C8orf82: variants seen among roughly 807,000 people sequenced by gnomAD.
C8orf82 encodes chromosome 8 open reading frame 82, also known as UPF0598 protein C8orf82.
A neutral mutation model predicts 15.0 loss-of-function variants in C8orf82; 24 were observed. The ratio of observed to expected loss-of-function variants is 1.60; its 90% CI spans 1.16 to 2.24. The LOEUF (loss-of-function observed/expected upper bound fraction) is 2.24, where lower values mean the gene tolerates loss of function less well. C8orf82 is among the 30% of genes most tolerant of loss of function. The probability of loss-of-function intolerance (pLI) is 0.00; values close to 1 mark genes in which losing one functional copy is unlikely to be tolerated. For missense variants in C8orf82, 388 were observed against 317.4 expected (o/e 1.22, Z -1.69); for synonymous variants, 205 against 152.2 (o/e 1.35, Z -2.55).
At position 144,526,417 on chromosome 8, in the gene C8orf82, GAGA is replaced by G. The variant is rs1042778400; in HGVS notation, c.*922_*924del. 2 of 152,298 alleles carry G rather than the reference GAGA, an allele frequency of 1.3e-5. No individual in the cohort carries two copies. Among genetic ancestry groups the G allele is most frequent in the African/African-American group, 4.8e-5 (2 of 41,442 alleles). 9.4% of individuals were successfully genotyped at this position (152,298 alleles called of 1,614,324 possible). A position where few individuals can be genotyped will look rare whatever the true frequency, so the allele number is the denominator to read the frequency against. ...CTCCCCCAGGAAGGCTTCTCAAGTGGAGAAGGTTCTTGGCCTCAGAACTCACGG... is the reference window on the plus strand; with the variant it reads ...CTCCCCCAGGAAGGCTTCTCAAGTGGAGGTTCTTGGCCTCAGAACTCACGG... On this transcript the variant is annotated 3_prime_UTR_variant, in exon 3 of 3. Transcript: ENST00000524821.
Position 144,526,008 on chromosome 8 carries a change from A to AAGCC in C8orf82, c.*1330_*1333dup, listed in dbSNP as rs1226602905. Reference sequence around the variant, plus strand: ...AGTTTTAAAAGTAGGGATCTGGGCTAAGCCAGCCAGCCCACCCGAAGCCAG... The same window carrying AAGCC: ...AGTTTTAAAAGTAGGGATCTGGGCTAAGCCAGCCAGCCAGCCCACCCGAAGCCAG... On this transcript the variant is annotated 3_prime_UTR_variant, in exon 3 of 3. Coordinates refer to ENST00000524821, the MANE Select transcript of C8orf82 (RefSeq NM_001001795.2). 1.3e-5 allele frequency: 2 copies of AAGCC among 152,190 alleles called. No homozygotes were observed. The highest frequency in any genetic ancestry group is 4.8e-5 in the African/African-American group (2 of 41,446). The allele number at this position is 152,190 out of a possible 1,614,324, so 9.4% of individuals were successfully genotyped here. A position where few individuals can be genotyped will look rare whatever the true frequency, so the allele number is the denominator to read the frequency against.
Position 144,527,119 on chromosome 8 carries a change from G to A in C8orf82, c.*223C>T, listed in dbSNP as rs571757742. The A allele has an allele frequency of 4.9e-6, 1 of 203,570 alleles. No homozygotes were observed. The highest frequency in any genetic ancestry group is 9.5e-6 in the Non-Finnish European group (1 of 105,158). The allele number at this position is 203,570 out of a possible 1,614,324, so 12.6% of individuals were successfully genotyped here. ...TCTCGAGCGCAGGCCAATCCGGAGG[G>A]CGCCGGAGTCGGGTGCGCGGGGGGC... On this transcript the variant is annotated 3_prime_UTR_variant, in exon 3 of 3. Coordinates refer to ENST00000524821, the MANE Select transcript of C8orf82 (RefSeq NM_001001795.2).
rs766185755 is a variant in C8orf82, at chr8:144,528,839, C to A, written c.78G>T (p.Gly26=). 1 of 1,520,524 alleles carries A rather than the reference C, an allele frequency of 6.6e-7. No individual in the cohort carries two copies. Among genetic ancestry groups the A allele is most frequent in the East Asian group, 2.8e-5 (1 of 36,090 alleles). The allele number at this position is 1,520,524 out of a possible 1,614,324, so 94.2% of individuals were successfully genotyped here. Residue 26 remains glycine (G), a synonymous_variant, in exon 1 of 3, where the codon GGG becomes GGT. Coordinates refer to ENST00000524821, the MANE Select transcript of C8orf82 (RefSeq NM_001001795.2). ...TCTGGCCCTGCGTGTAGGAAACGCCCCCATCCCCGCTGCAGGCCCGGGCTC... is the reference window on the plus strand; with the variant it reads ...TCTGGCCCTGCGTGTAGGAAACGCCACCATCCCCGCTGCAGGCCCGGGCTC... The part of the protein sequence containing the change: ...SRGARACSGD[G]GVSYTQGQSP...
At position 144,527,447 on chromosome 8, in the gene C8orf82, G is replaced by C. The variant is rs1297961800; in HGVS notation, c.546C>G (p.Tyr182Ter). ...AGGGCAGCGCAGGCGCGCCGGGCCC[G>C]TACTCGAAGCAGGCGCTGAGCTCGA... ...LAFELSACFE[Y>*]GPGAPALPSH... is the part of the protein sequence containing the mutation. Residue 182 changes from tyrosine to a stop codon, truncating the protein, a stop_gained, in exon 3 of 3, where the codon TAC (tyrosine) becomes TAG (stop). Transcript: ENST00000524821. LOFTEE classifies it high-confidence loss of function. 1 of 1,241,208 alleles carries C rather than the reference G, an allele frequency of 8.1e-7. No individual in the cohort carries two copies. Among genetic ancestry groups the C allele is most frequent in the Non-Finnish European group, 1.0e-6 (1 of 990,360 alleles). 76.9% of individuals were successfully genotyped at this position (1,241,208 alleles called of 1,614,324 possible). A position where few individuals can be genotyped will look rare whatever the true frequency, so the allele number is the denominator to read the frequency against.
intron 2 of C8orf82, 81 bp downstream of exon 2, chr8:144,527,943 C>T: frequency 6.5e-7 from 1 of 1,537,620 alleles, no homozygotes; most frequent in Middle Eastern, 1.7e-4. Context: ...GTGCGCTGGG[C>T]CCGTCGGCAG....
At chr8:144,527,906 T>A (rs767623498) in intron 2 of C8orf82, 118 bp downstream of exon 2, 2 of 1,500,470 alleles carry the variant, frequency 1.3e-6, no homozygotes, top group Non-Finnish European at 1.8e-6. Context: ...TCAGCGGGGC[T>A]CCTGAGCGCA....
chr8:144,527,877 G>T (rs750886664), intron 2 of C8orf82, 90 bp from the exon 3 acceptor site: 13 of 1,532,034 alleles, frequency 8.5e-6, no homozygotes, highest in Non-Finnish European at 1.2e-5. Context: ...CCGACGGTAA[G>T]AGGTTCGCCT....
chr8:144,527,883 C>T (rs780664839), intron 2 of C8orf82, 96 bp from the exon 3 acceptor site: 20 of 1,519,652 alleles, frequency 1.3e-5, no homozygotes, highest in Non-Finnish European at 1.6e-5. Context: ...GTAAGAGGTT[C>T]GCCTGGCCTC....
Position 144,528,803 on chromosome 8 carries a change from C to G in C8orf82, c.114G>C (p.Pro38=), listed in dbSNP as rs115228909. 43,067 of 1,469,276 alleles carry G rather than the reference C, an allele frequency of 0.029. 9,080 individuals are homozygous for G. In the African/African-American group the frequency reaches 0.51, roughly 17 times the overall value. 91.0% of individuals were successfully genotyped at this position (1,469,276 alleles called of 1,614,324 possible). Residue 38 remains proline (P), a synonymous_variant, in exon 1 of 3, where the codon CCG becomes CCC. Transcript: ENST00000524821. ...CGTAGTAGAAATACTCGCGGGTCCG[C>G]GGCTCCGGACTCTGGCCCTGCGTGT... ...VSYTQGQSPE[P]RTREYFYYVD...
At position 144,527,585 on chromosome 8, in the gene C8orf82, C is replaced by T. The variant is rs1281748638; in HGVS notation, c.408G>A (p.Leu136=). ...RLSYCGGGEA[L]AVPFEPARLL... is the part of the protein sequence containing the mutation. The stretch of plus-strand genomic sequence containing the variant: ...GGCGCGCCGGCTCGAAGGGCACGGC[C>T]AGGGCCTCGCCACCGCCGCAGTAGG... The change falls in exon 3 of 3, where the codon CTG becomes CTA. Residue 136 remains leucine, a synonymous_variant. Coordinates refer to ENST00000524821, the MANE Select transcript of C8orf82 (RefSeq NM_001001795.2). The T allele has an allele frequency of 1.3e-5, 19 of 1,506,646 alleles. No homozygotes were observed. Among genetic ancestry groups the T allele is most frequent in the Non-Finnish European group, 1.7e-5 (19 of 1,132,416 alleles). The allele number at this position is 1,506,646 out of a possible 1,614,324, so 93.3% of individuals were successfully genotyped here. A position where few individuals can be genotyped will look rare whatever the true frequency, so the allele number is the denominator to read the frequency against.
chr8:144,527,718 A>T lies in C8orf82; in HGVS notation c.275T>A (p.Phe92Tyr). The T allele has an allele frequency of 6.3e-7, 1 of 1,591,044 alleles. No homozygotes were observed. The highest frequency in any genetic ancestry group is 1.3e-5 in the African/African-American group (1 of 74,946). ...TCTGCCGCAGGGCGAGAGGAAGGGG[A>T]AAGCGGCCTCGTAGCGCCCGCTGCG... ...PNRSGRYEAA[F>Y]PFLSPCGRER... Residue 92 changes from phenylalanine to tyrosine, a missense_variant, in exon 3 of 3, where the codon TTC becomes TAC. By Grantham distance (22) the Phe-to-Tyr change is conservative. Coordinates refer to ENST00000524821, the MANE Select transcript of C8orf82 (RefSeq NM_001001795.2).
Position 144,528,747 on chromosome 8 carries a change from C to T in C8orf82, c.156+14G>A. ...CGGCCCCGCCTCTCGAGCAACGGCC[C>T]TGCCCCCGCCCACCTGGCCCTGGTG... On this transcript the variant is annotated intron_variant, in intron 1 of 2. Transcript: ENST00000524821. 7.3e-7 allele frequency: 1 copy of T among 1,369,338 alleles called. No individual in the cohort carries two copies. Among genetic ancestry groups the T allele is most frequent in the Non-Finnish European group, 9.5e-7 (1 of 1,056,014 alleles). The allele number at this position is 1,369,338 out of a possible 1,614,324, so 84.8% of individuals were successfully genotyped here. A position where few individuals can be genotyped will look rare whatever the true frequency, so the allele number is the denominator to read the frequency against.
At position 144,526,380 on chromosome 8, in the gene C8orf82, G is replaced by C. The variant is rs1227511353; in HGVS notation, c.*962C>G. 6.6e-6 allele frequency: 1 copy of C among 152,220 alleles called. No individual in the cohort carries two copies. The highest frequency in any genetic ancestry group is 2.4e-5 in the African/African-American group (1 of 41,442). The allele number at this position is 152,220 out of a possible 1,614,324, so 9.4% of individuals were successfully genotyped here. A position where few individuals can be genotyped will look rare whatever the true frequency, so the allele number is the denominator to read the frequency against. ...AGTGTTGGTACGTGGCTCCAGGCCT[G>C]GCCCACTCAGCCTCCCCCAGGAAGG... On this transcript the variant is annotated 3_prime_UTR_variant, in exon 3 of 3. Transcript: ENST00000524821.
Position 144,528,006 on chromosome 8 carries a change from A to G in C8orf82, c.205+18T>C, listed in dbSNP as rs1182930408. The G allele has an allele frequency of 1.2e-6, 2 of 1,611,426 alleles. No individual in the cohort carries two copies. The highest frequency in any genetic ancestry group is 1.7e-6 in the Non-Finnish European group (2 of 1,178,974). On this transcript the variant is annotated intron_variant, in intron 2 of 2. Coordinates refer to ENST00000524821, the MANE Select transcript of C8orf82 (RefSeq NM_001001795.2). ...GGAAGGGAGAAAGAAGGGGCTGGAG[A>G]GGGAGGCACAGCATTACCTTTGAAG...
At chr8:144,528,267 CCTCTG>C in intron 1 of C8orf82, 195 bp from the exon 2 acceptor site, 1 of 1,505,160 alleles carries the variant, frequency 6.6e-7, no homozygotes, top group Non-Finnish European at 8.9e-7. Flanking sequence ...TCTATGCGCA[CCTCTG>C]CTCCCTGGTC....
Position 144,527,389 on chromosome 8 carries a change from G to C in C8orf82, c.604C>G (p.Leu202Val). ...HVRWQGRRLA[L>V]TMDLAPLLLA... Reference sequence around the variant, plus strand: ...AGCAGCGGGGCCAGGTCCATGGTGAGGGCGAGGCGGCGGCCCTGCCAGCGC... The same window carrying C: ...AGCAGCGGGGCCAGGTCCATGGTGACGGCGAGGCGGCGGCCCTGCCAGCGC... Residue 202 changes from leucine to valine, a missense_variant, in exon 3 of 3, where the codon CTC becomes GTC. Physicochemically the swap from Leu to Val is conservative, Grantham distance 32 (BLOSUM62 1). Transcript: ENST00000524821. The C allele has an allele frequency of 8.1e-7, 1 of 1,241,512 alleles. No homozygotes were observed. The highest frequency in any genetic ancestry group is 3.9e-5 in the East Asian group (1 of 25,832). The allele number at this position is 1,241,512 out of a possible 1,614,324, so 76.9% of individuals were successfully genotyped here.
chr8:144,528,615 C>CGGGGGG, intron 1 of C8orf82, 146 bp downstream of exon 1: 2 of 268,468 alleles, frequency 7.4e-6, no homozygotes, highest in Non-Finnish European at 1.2e-5. Flanking sequence ...CGCGCAGGCC[C>CGGGGGG]CGCCCACCCA....
chr8:144,525,822 G>A lies in C8orf82; in HGVS notation c.*1520C>T, dbSNP rs1179945438. 1 of 152,198 alleles carries A rather than the reference G, an allele frequency of 6.6e-6. No individual in the cohort carries two copies. The highest frequency in any genetic ancestry group is 1.5e-5 in the Non-Finnish European group (1 of 68,064). The allele number at this position is 152,198 out of a possible 1,614,324, so 9.4% of individuals were successfully genotyped here. On this transcript the variant is annotated 3_prime_UTR_variant, in exon 3 of 3. Coordinates refer to ENST00000524821, the MANE Select transcript of C8orf82 (RefSeq NM_001001795.2). ...CTGGGGTGGGACAGGGGACGCCTTGGGCCACCAACTGGGTTTCTGGTGTGG... is the reference window on the plus strand; with the variant it reads ...CTGGGGTGGGACAGGGGACGCCTTGAGCCACCAACTGGGTTTCTGGTGTGG...
In C8orf82 at chr8:144,526,436, G is replaced by C. The variant is rs534302558; in HGVS notation, c.*906C>G. The C allele has an allele frequency of 2.0e-5, 3 of 152,344 alleles. No homozygotes were observed. Among genetic ancestry groups the C allele is most frequent in the East Asian group, 1.9e-4 (1 of 5,200 alleles). 9.4% of individuals were successfully genotyped at this position (152,344 alleles called of 1,614,324 possible). On this transcript the variant is annotated 3_prime_UTR_variant, in exon 3 of 3. Transcript: ENST00000524821. The stretch of plus-strand genomic sequence containing the variant: ...CAAGTGGAGAAGGTTCTTGGCCTCA[G>C]AACTCACGGCGCTGCTGCTCACGCT...
Sources: gnomAD v4.1 joint callset for allele counts on GRCh38, gnomAD v4.1.1 for gene constraint, MANE v1.5 for transcripts, NCBI Gene and HGNC (gene_info 2026-07-23, HGNC 2026-07-21) for gene names.